The following OPCML variants were observed in gnomAD, a reference collection of about 807,000 sequenced individuals.
OPCML encodes opioid binding protein/cell adhesion molecule like.
In OPCML, 13 loss-of-function variants were observed where a neutral mutation model predicts 37.8. The ratio of observed to expected loss-of-function variants is 0.34; its 90% CI spans 0.22 to 0.55. The LOEUF (loss-of-function observed/expected upper bound fraction) is 0.55. Among genes scored for constraint, OPCML ranks in the 20% least tolerant of loss-of-function variants. The pLI is 0.91. For synonymous variants in OPCML, 176 were observed against 168.8 expected, an observed-to-expected ratio of 1.04 and a Z score of -0.33; for missense variants, 341 against 435.6, an observed-to-expected ratio of 0.78 and a Z score of 1.93.
At chr11:132,785,897 T>A (rs1409637627) in intron 2 of OPCML, among the ~76,000 whole-genome samples, 1 of 152,240 alleles carries the variant, frequency 6.6e-6, no homozygotes, top group Non-Finnish European at 1.5e-5. Flanking sequence ...TCAGTTGACA[T>A]TTTTTAAAAA....
At chr11:132,899,859 C>A (rs573553439) in intron 2 of OPCML, among the ~76,000 whole-genome samples, 2 of 152,162 alleles carry the variant, frequency 1.3e-5, no homozygotes, top group South Asian at 4.2e-4. Context: ...TCTTCTCCTG[C>A]CCTTGGTCAG....
chr11:133,332,801 A>C (rs946755445), intron 1 of OPCML, among the ~76,000 whole-genome samples: 2 of 152,132 alleles, frequency 1.3e-5, no homozygotes, highest in African/African-American at 4.8e-5. Context: ...GCGGGGATGA[A>C]GTCTACTTGA....
chr11:132,847,553 C>T (rs1331886865), intron 2 of OPCML, among the ~76,000 whole-genome samples: 3 of 152,014 alleles, frequency 2.0e-5, no homozygotes, highest in Non-Finnish European at 4.4e-5. Flanking sequence ...AATTGTTCTG[C>T]GTAAGTATTC....
At chr11:132,907,767 G>A (rs2136527298) in intron 2 of OPCML, among the ~76,000 whole-genome samples, 1 of 152,128 alleles carries the variant, frequency 6.6e-6, no homozygotes, top group Admixed American at 6.5e-5. Context: ...GCTCATCGAT[G>A]CTCCAAATGC....
At chr11:132,512,450 A>G (rs905839543) in intron 4 of OPCML, among the ~76,000 whole-genome samples, 3 of 152,062 alleles carry the variant, frequency 2.0e-5, no homozygotes, top group Admixed American at 2.0e-4. Flanking sequence ...AGTAGAAACA[A>G]CCAAATGTCC....
chr11:133,060,818 A>G (rs1333070859), intron 1 of OPCML, among the ~76,000 whole-genome samples: 1 of 152,252 alleles, frequency 6.6e-6, no homozygotes, highest in Non-Finnish European at 1.5e-5. Flanking sequence ...GGCTGCATGC[A>G]GAGATGACAG....
intron 1 of OPCML, among the ~76,000 whole-genome samples, chr11:133,103,020 C>T (rs1393108575): frequency 6.6e-6 from 1 of 152,180 alleles, no homozygotes; most frequent in Non-Finnish European, 1.5e-5. Context: ...GCTACCTTGA[C>T]TGTTGTCGTC....
At chr11:132,475,440 T>C (rs969192174) in intron 4 of OPCML, among the ~76,000 whole-genome samples, 1 of 152,122 alleles carries the variant, frequency 6.6e-6, no homozygotes, top group Non-Finnish European at 1.5e-5. Flanking sequence ...AATATGACTG[T>C]TTGGAGACAG....
chr11:133,270,232 T>C (rs1049724639), intron 1 of OPCML, among the ~76,000 whole-genome samples: 16 of 152,212 alleles, frequency 1.1e-4, no homozygotes, highest in African/African-American at 3.9e-4. Context: ...CTGGGCCCCA[T>C]TCAGCACACT....
chr11:133,459,367 T>C (rs1261857942), intron 1 of OPCML, among the ~76,000 whole-genome samples: 1 of 151,986 alleles, frequency 6.6e-6, no homozygotes, highest in African/African-American at 2.4e-5. Context: ...TGTCAAAAAG[T>C]GTCCTTATTA....
At chr11:132,566,897 C>A (rs2096424470) in intron 3 of OPCML, among the ~76,000 whole-genome samples, 1 of 151,108 alleles carries the variant, frequency 6.6e-6, no homozygotes, top group Non-Finnish European at 1.5e-5. Flanking sequence ...ATCCCAGGCA[C>A]AGAGACCAGC....
At chr11:133,007,488 G>T (rs887307238) in intron 1 of OPCML, 10 of 985,440 alleles carry the variant, frequency 1.0e-5, no homozygotes, top group Non-Finnish European at 1.1e-5. Flanking sequence ...ATTTGTTAAT[G>T]AACCTGTCCT....
chr11:132,745,190 C>T (rs186516722), intron 2 of OPCML, among the ~76,000 whole-genome samples: 2 of 152,286 alleles, frequency 1.3e-5, no homozygotes, highest in East Asian at 3.9e-4. Flanking sequence ...TTCTTCAGAG[C>T]CATGCTGCTT....
At chr11:132,727,917 C>T (rs1216709365) in intron 2 of OPCML, among the ~76,000 whole-genome samples, 1 of 152,200 alleles carries the variant, frequency 6.6e-6, no homozygotes, top group Non-Finnish European at 1.5e-5. Flanking sequence ...GCACGCAGCT[C>T]TGGGCTTCCC....
At chr11:133,433,009 G>A (rs746249980) in intron 1 of OPCML, among the ~76,000 whole-genome samples, 1 of 152,014 alleles carries the variant, frequency 6.6e-6, no homozygotes, top group Non-Finnish European at 1.5e-5. Context: ...TAGATTTTTG[G>A]TATTTATTTT....
At chr11:132,790,493 G>A (rs1203507335) in intron 2 of OPCML, among the ~76,000 whole-genome samples, 1 of 152,162 alleles carries the variant, frequency 6.6e-6, no homozygotes, top group East Asian at 1.9e-4. Flanking sequence ...TAACTATTAT[G>A]TTTCAATTTA....
chr11:132,580,217 G>T (rs2096459508), intron 3 of OPCML, among the ~76,000 whole-genome samples: 1 of 152,068 alleles, frequency 6.6e-6, no homozygotes, highest in Non-Finnish European at 1.5e-5. Context: ...ACTCCGCAGG[G>T]GGGAAACCCA....
chr11:133,087,504 T>C (rs1408567612), intron 1 of OPCML, among the ~76,000 whole-genome samples: 1 of 152,122 alleles, frequency 6.6e-6, no homozygotes, highest in African/African-American at 2.4e-5. Flanking sequence ...GTAGACTCAA[T>C]GAATAAGCAT....
At chr11:133,296,318 G>A (rs1443362312) in intron 1 of OPCML, among the ~76,000 whole-genome samples, 2 of 152,086 alleles carry the variant, frequency 1.3e-5, no homozygotes, top group Admixed American at 6.5e-5. Flanking sequence ...TGCAGTTAGC[G>A]GTTTATTTGC....
Sources: gnomAD v4.1 joint callset for allele counts (sites outside exome capture counted in the v4.1 genomes callset) on GRCh38, gnomAD v4.1.1 for gene constraint, MANE v1.5 for transcripts, NCBI Gene and HGNC (gene_info 2026-07-23, HGNC 2026-07-21) for gene names.